MEIS2: variants seen among roughly 807,000 people sequenced by gnomAD.
The protein encoded by MEIS2 is homeobox protein Meis2.
MEIS2 carries 9 observed loss-of-function variants against 58.6 expected under a neutral mutation model. The observed-to-expected ratio is 0.15, with a 90% CI of 0.09 to 0.27. MEIS2 has a LOEUF of 0.27. Among genes scored for constraint, MEIS2 ranks in the 10% least tolerant of loss-of-function variants. The pLI is 1.00. For missense variants in MEIS2, 427 were observed against 635.0 expected (o/e 0.67, Z 3.52); for synonymous variants, 221 against 228.4 (o/e 0.97, Z 0.29).
At chr15:36,908,906 T>C (rs532682399) in intron 9 of MEIS2, among the ~76,000 whole-genome samples, 1 of 152,078 alleles carries the variant, frequency 6.6e-6, no homozygotes, top group East Asian at 1.9e-4. Flanking sequence ...GCCATTGCAC[T>C]CCAGCCTGGG....
At chr15:36,950,278 C>T (rs768417597) in intron 9 of MEIS2, 46 bp downstream of exon 9, 1 of 1,414,290 alleles carries the variant, frequency 7.1e-7, no homozygotes, top group South Asian at 1.2e-5. Flanking sequence ...ATTTAGAAAT[C>T]TCATTTTAGC....
intron 8 of MEIS2, among the ~76,000 whole-genome samples, chr15:37,002,454 C>T (rs1346173613): frequency 1.3e-5 from 2 of 152,146 alleles, no homozygotes; most frequent in Admixed American, 1.3e-4. Context: ...CATTTTATCT[C>T]TCCTACATGT....
chr15:36,948,555 G>C (rs1417049406), intron 9 of MEIS2, among the ~76,000 whole-genome samples: 5 of 152,008 alleles, frequency 3.3e-5, no homozygotes, highest in Non-Finnish European at 7.4e-5. Flanking sequence ...CCCATCACAA[G>C]CTCCCTCAAT....
chr15:37,061,519 T>C (rs1411247558), intron 7 of MEIS2, among the ~76,000 whole-genome samples: 9 of 152,220 alleles, frequency 5.9e-5, no homozygotes, highest in Non-Finnish European at 1.2e-4. Flanking sequence ...TGAGGGTTTG[T>C]AGTTGCAGAG....
Position 37,094,510 on chromosome 15 carries a change from C to G in MEIS2, c.489+17G>C. The G allele has an allele frequency of 6.2e-7, 1 of 1,611,000 alleles. No individual in the cohort carries two copies. Among genetic ancestry groups the G allele is most frequent in the African/African-American group, 1.3e-5 (1 of 74,936 alleles). ...GAAATGGTTTAATCAACACGGGGAG[C>G]GTTATTTCCTGCTTACCTTTTCTAA... On this transcript the variant is annotated intron_variant, in intron 5 of 11. Coordinates refer to ENST00000561208, the MANE Select transcript of MEIS2 (RefSeq NM_170675.5).
chr15:37,095,861 G>A, intron 3 of MEIS2: 1 of 563,530 alleles, frequency 1.8e-6, no homozygotes, highest in Non-Finnish European at 3.1e-6. Flanking sequence ...GTCGTTCTCA[G>A]GGCCTCGAGT....
chr15:36,920,118 T>TTTCA (rs1319931960), intron 9 of MEIS2, among the ~76,000 whole-genome samples: 8,315 of 134,676 alleles, frequency 0.062, 314 homozygotes, highest in Admixed American at 0.1. Context: ...CCTATACTGC[T>TTTCA]TTTATTTATT....
At chr15:36,905,263 G>A (rs546283603) in intron 9 of MEIS2, among the ~76,000 whole-genome samples, 14 of 152,172 alleles carry the variant, frequency 9.2e-5, no homozygotes, top group Admixed American at 5.9e-4. Flanking sequence ...GAATTTTGTC[G>A]GGGGGTGGGG....
chr15:37,057,379 G>A (rs1479946365), intron 7 of MEIS2, among the ~76,000 whole-genome samples: 1 of 152,142 alleles, frequency 6.6e-6, no homozygotes, highest in East Asian at 1.9e-4. Flanking sequence ...CAGGCCATGT[G>A]GAGCTGTATT....
intron 8 of MEIS2, among the ~76,000 whole-genome samples, chr15:36,979,082 A>G (rs962481614): frequency 2.0e-5 from 3 of 152,180 alleles, no homozygotes; most frequent in Non-Finnish European, 4.4e-5. Context: ...CTGCTCCACA[A>G]TTTGAAACTT....
intron 8 of MEIS2, among the ~76,000 whole-genome samples, chr15:36,969,061 C>T (rs961891907): frequency 2.6e-5 from 4 of 152,188 alleles, no homozygotes; most frequent in African/African-American, 7.2e-5. Flanking sequence ...TATGACATTG[C>T]AGTCATTTTT....
At chr15:36,985,001 T>C (rs1361195306) in intron 8 of MEIS2, among the ~76,000 whole-genome samples, 1 of 152,166 alleles carries the variant, frequency 6.6e-6, no homozygotes, top group Non-Finnish European at 1.5e-5. Flanking sequence ...GTTTGTCAAT[T>C]TTGTTCCTTT....
chr15:36,934,106 C>T (rs1438534026), intron 9 of MEIS2, among the ~76,000 whole-genome samples: 2 of 152,002 alleles, frequency 1.3e-5, no homozygotes, highest in Non-Finnish European at 2.9e-5. Context: ...AAATACAATG[C>T]GTAAGTAGAT....
chr15:36,952,251 G>T (rs2058777351), intron 8 of MEIS2, among the ~76,000 whole-genome samples: 1 of 151,358 alleles, frequency 6.6e-6, no homozygotes, highest in Non-Finnish European at 1.5e-5. Flanking sequence ...GGTGGGAGGG[G>T]CGGTGGCAAA....
chr15:36,955,811 A>T (rs1171461048), intron 8 of MEIS2, among the ~76,000 whole-genome samples: 1 of 151,954 alleles, frequency 6.6e-6, no homozygotes, highest in African/African-American at 2.4e-5. Flanking sequence ...TCTATATTCA[A>T]ATTTCTATAT....
At chr15:36,970,209 C>CTGGCTAACA (rs2059492147) in intron 8 of MEIS2, among the ~76,000 whole-genome samples, 1 of 152,070 alleles carries the variant, frequency 6.6e-6, no homozygotes, top group Admixed American at 6.6e-5. Context: ...CCGGACCATC[C>CTGGCTAACA]TGGCTAACAT....
intron 7 of MEIS2, among the ~76,000 whole-genome samples, chr15:37,072,756 C>T (rs942519077): frequency 6.6e-5 from 10 of 152,152 alleles, no homozygotes; most frequent in Admixed American, 5.9e-4. Context: ...TATACATGTG[C>T]CATGTTGGTG....
intron 5 of MEIS2, 121 bp from the exon 6 acceptor site, chr15:37,093,851 T>C: frequency 7.8e-7 from 1 of 1,276,650 alleles, no homozygotes; most frequent in Non-Finnish European, 1.1e-6. Flanking sequence ...AACAGTGTGA[T>C]GTCTTCCAAA....
chr15:37,036,775 A>T, intron 8 of MEIS2, 39 bp downstream of exon 8: 1 of 1,598,926 alleles, frequency 6.3e-7, no homozygotes, highest in Non-Finnish European at 8.5e-7. Flanking sequence ...TAGCAAAACA[A>T]CAAAAACTAT....
Sources: gnomAD v4.1 joint callset for allele counts (sites outside exome capture counted in the v4.1 genomes callset) on GRCh38, gnomAD v4.1.1 for gene constraint, MANE v1.5 for transcripts, NCBI Gene and HGNC (gene_info 2026-07-23, HGNC 2026-07-21) for gene names.